CDCP1: variants seen among roughly 807,000 people sequenced by gnomAD.
The protein encoded by CDCP1 is CUB domain-containing protein 1.
Under a neutral mutation model 60.2 loss-of-function variants are expected in CDCP1, and 29 were observed. The observed-to-expected ratio is 0.48, with a 90% confidence interval of 0.36 to 0.66. The LOEUF is 0.66. Among genes scored for constraint, CDCP1 ranks in the 30% least tolerant of loss-of-function variants. The pLI is 0.00. For missense variants in CDCP1, 876 were observed against 1,074.3 expected (o/e 0.82, Z 2.58); for synonymous variants, 387 against 431.1 (o/e 0.90, Z 1.27).
intron 4 of CDCP1, 119 bp from the exon 5 acceptor site, chr3:45,095,687 T>A: frequency 1.4e-6 from 1 of 733,930 alleles, no homozygotes; most frequent in Non-Finnish European, 2.3e-6. Flanking sequence ...CATGGATGGA[T>A]AATGTTGGGA....
Position 45,110,489 on chromosome 3 carries a change from A to T in CDCP1, c.1008T>A (p.His336Gln). Residue 336 changes from histidine to glutamine, a missense_variant, in exon 4 of 9, where the codon CAT (histidine) becomes CAA (glutamine). This residue lies in a region of CDCP1 where 726 missense variants were observed against 935.7 expected (regional missense o/e 0.78). Coordinates refer to ENST00000296129, the MANE Select transcript of CDCP1 (RefSeq NM_022842.5). ...LRLQFQVLVQ[H>Q]PQNESNKIYV... ...CTCACTCACTGCTTTCATTTTGTGG[A>T]TGTTGGACCAAAACTTGGAACTGCA... 6.2e-7 allele frequency: 1 copy of T among 1,614,126 alleles called. No individual in the cohort carries two copies. Among genetic ancestry groups the T allele is most frequent in the Non-Finnish European group, 8.5e-7 (1 of 1,179,970 alleles).
At chr3:45,101,824 T>C (rs2125993455) in intron 4 of CDCP1, among the ~76,000 whole-genome samples, 4 of 147,112 alleles carry the variant, frequency 2.7e-5, no homozygotes, top group Middle Eastern at 7.1e-3. Flanking sequence ...AGGCAGAGGT[T>C]GCAGTGAGCC....
At chr3:45,089,414 T>C (rs1276760756) in intron 7 of CDCP1, among the ~76,000 whole-genome samples, 1 of 152,200 alleles carries the variant, frequency 6.6e-6, no homozygotes, top group African/African-American at 2.4e-5. Context: ...GAAAGCCAGC[T>C]ACTATGTAAG....
rs1698341138 is a variant in CDCP1 at position 45,093,588 on chromosome 3, A to T, written c.1316T>A (p.Leu439Gln). ...GGAGAAGTCATGCAGCTCCACAGGC[A>T]GGTGGAGGATGTCACTGGGCACCTG... ...SLQVPSDILH[L>Q]PVELHDFSWK... is the part of the protein sequence containing the mutation. The change falls in exon 6 of 9, where the codon CTG becomes CAG. Residue 439 changes from leucine to glutamine, a missense_variant. By Grantham distance (113) the Leu-to-Gln change is moderately radical (BLOSUM62 -2). Coordinates refer to ENST00000296129, the MANE Select transcript of CDCP1 (RefSeq NM_022842.5). 1 of 1,614,080 alleles carries T rather than the reference A, an allele frequency of 6.2e-7. No individual in the cohort carries two copies. The highest frequency in any genetic ancestry group is 8.5e-7 in the Non-Finnish European group (1 of 1,180,014).
At chr3:45,088,838 G>A (rs1698243179) in intron 8 of CDCP1, among the ~76,000 whole-genome samples, 2 of 152,084 alleles carry the variant, frequency 1.3e-5, no homozygotes, top group Non-Finnish European at 2.9e-5. Flanking sequence ...ACATACAGGT[G>A]AAAATGTCAC....
rs1698466789 is a variant in CDCP1 at position 45,100,170 on chromosome 3, T to C, written c.1025-4602A>G. Among the ~76,000 whole-genome samples the C allele has an allele frequency of 2.0e-5, 3 of 152,206 alleles. No homozygotes were observed. In the South Asian group the frequency reaches 6.2e-4, roughly 31 times the overall value. ...GGTCTTTTCTCTTAGATTGGTCAGA[T>C]GCCCCCAGAGAAGAAGTCATTCTCT... On this transcript the variant is annotated intron_variant, in intron 4 of 8. Transcript: ENST00000296129.
chr3:45,088,242 GA>G (rs1310556382), intron 8 of CDCP1, among the ~76,000 whole-genome samples: 1 of 152,160 alleles, frequency 6.6e-6, no homozygotes, highest in African/African-American at 2.4e-5. Context: ...AACATTTTGG[GA>G]AGCCAAGGTG....
intron 7 of CDCP1, 149 bp from the exon 8 acceptor site, chr3:45,089,290 T>C: frequency 1.5e-6 from 1 of 645,274 alleles, no homozygotes. Flanking sequence ...GCTCCTCATA[T>C]CACAAAGTGT....
chr3:45,101,302 C>A (rs1219437175), intron 4 of CDCP1, among the ~76,000 whole-genome samples: 1 of 152,236 alleles, frequency 6.6e-6, no homozygotes, highest in Non-Finnish European at 1.5e-5. Context: ...ATTATCACTA[C>A]CATTTCGCAG....
intron 5 of CDCP1, 25 bp from the exon 6 acceptor site, chr3:45,093,682 C>A: frequency 6.3e-7 from 1 of 1,590,760 alleles, no homozygotes; most frequent in African/African-American, 1.3e-5. Flanking sequence ...GCATGCTAGC[C>A]ATGCACAAAG....
At chr3:45,130,117 A>C (rs536514886) in intron 1 of CDCP1, among the ~76,000 whole-genome samples, 122 of 150,710 alleles carry the variant, frequency 8.1e-4, no homozygotes, top group African/African-American at 2.6e-3. Flanking sequence ...AAGTCTCAAT[A>C]AAACAACTTT....
chr3:45,106,849 CAGG>C (rs1245991597), intron 4 of CDCP1, among the ~76,000 whole-genome samples: 3 of 152,320 alleles, frequency 2.0e-5, no homozygotes. Context: ...CTAGCACTCA[CAGG>C]AGAAGCAAGG....
chr3:45,102,404 A>T (rs1698496114), intron 4 of CDCP1, among the ~76,000 whole-genome samples: 1 of 152,084 alleles, frequency 6.6e-6, no homozygotes, highest in Non-Finnish European at 1.5e-5. Flanking sequence ...TTTAAAGCTT[A>T]GAAAGGTTAA....
chr3:45,085,371 C>T lies in CDCP1; in HGVS notation c.*267G>A. On this transcript the variant is annotated 3_prime_UTR_variant, in exon 9 of 9. Transcript: ENST00000296129. This position sits in a 1 kb window ranked among gnomAD's most constrained non-coding sequence, Gnocchi z 4.2. The stretch of plus-strand genomic sequence containing the variant: ...TATGCTAGGTGACTCAGGCCTCTCT[C>T]CTCTCATTACAGGCTGGCTAACCGC... 2.3e-6 allele frequency: 1 copy of T among 428,338 alleles called. No homozygotes were observed. Among genetic ancestry groups the T allele is most frequent in the South Asian group, 2.9e-5 (1 of 34,682 alleles). 26.5% of individuals were successfully genotyped at this position (428,338 alleles called of 1,614,324 possible).
At chr3:45,121,576 T>C (rs775940085) in intron 1 of CDCP1, among the ~76,000 whole-genome samples, 4 of 152,220 alleles carry the variant, frequency 2.6e-5, no homozygotes, top group Admixed American at 6.5e-5. Flanking sequence ...TCCCCTTCTG[T>C]CAGCTTTTTT....
intron 1 of CDCP1, among the ~76,000 whole-genome samples, chr3:45,126,115 T>TTTCC (rs57366030): frequency 0.13 from 14,305 of 112,526 alleles, 1,169 homozygotes; most frequent in African/African-American, 0.22. Context: ...TCTCTCTTTC[T>TTTCC]TTCTTTCTTT....
At chr3:45,103,407 C>T (rs1418819188) in intron 4 of CDCP1, among the ~76,000 whole-genome samples, 1 of 152,158 alleles carries the variant, frequency 6.6e-6, no homozygotes, top group Non-Finnish European at 1.5e-5. Flanking sequence ...AGATTGTTTT[C>T]AGTTTTTGAC....
At chr3:45,099,551 A>G (rs1422483860) in intron 4 of CDCP1, among the ~76,000 whole-genome samples, 3 of 151,980 alleles carry the variant, frequency 2.0e-5, no homozygotes, top group Non-Finnish European at 2.9e-5. Context: ...GTCCTGGCAA[A>G]TGTTCCTGAA....
chr3:45,133,666 C>T (rs368673159), intron 1 of CDCP1, among the ~76,000 whole-genome samples: 1 of 11,474 alleles, frequency 8.7e-5, no homozygotes, highest in Non-Finnish European at 3.7e-4. Flanking sequence ...TGCAGTGAGC[C>T]GAGATCGCGC....
Sources: gnomAD v4.1 joint callset for allele counts (sites outside exome capture counted in the v4.1 genomes callset) on GRCh38, gnomAD v4.1.1 for gene constraint, gnomAD v4.1.1 regional missense constraint, Gnocchi (gnomAD v3.1) non-coding constraint, MANE v1.5 for transcripts, NCBI Gene and HGNC (gene_info 2026-07-23, HGNC 2026-07-21) for gene names.